Variants in LARP4 observed in about 807,000 individuals in gnomAD.
The protein encoded by LARP4 is la-related protein 4.
LARP4 carries 29 observed loss-of-function variants against 92.9 expected under a neutral mutation model. The observed-to-expected ratio is 0.31, with a 90% confidence interval of 0.23 to 0.43. The LOEUF (loss-of-function observed/expected upper bound fraction) is 0.43, where lower values mean the gene tolerates loss of function less well. Ranked by LOEUF, LARP4 falls within the 20% of genes least tolerant of loss-of-function variation. The pLI is 1.00. For missense variants in LARP4, 732 were observed against 860.0 expected, an observed-to-expected ratio of 0.85 and a Z score of 1.86; for synonymous variants, 279 against 284.1, an observed-to-expected ratio of 0.98 and a Z score of 0.18.
chr12:50,423,748 G>A (rs1948251480), intron 1 of LARP4, among the ~76,000 whole-genome samples: 1 of 147,744 alleles, frequency 6.8e-6, no homozygotes, highest in Admixed American at 6.7e-5. Context: ...TCCCCGGCCT[G>A]TAATTTTTTT....
rs531780240 is a variant in LARP4, at chr12:50,476,149, A to T, written c.*285A>T. 6.2e-6 allele frequency: 1 copy of T among 160,432 alleles called. No individual in the cohort carries two copies. The highest frequency in any genetic ancestry group is 1.7e-4 in the East Asian group (1 of 5,866). 9.9% of individuals were successfully genotyped at this position (160,432 alleles called of 1,614,324 possible). A position where few individuals can be genotyped will look rare whatever the true frequency, so the allele number is the denominator to read the frequency against. Reference sequence around the variant, plus strand: ...ATTTTTGTTTTTGGTTTTAATTTGCAGAGATTTGCTGCCAGGAATCAATTT... The same window carrying T: ...ATTTTTGTTTTTGGTTTTAATTTGCTGAGATTTGCTGCCAGGAATCAATTT... On this transcript the variant is annotated 3_prime_UTR_variant, in exon 16 of 16. Coordinates refer to ENST00000398473, the MANE Select transcript of LARP4 (RefSeq NM_052879.5).
chr12:50,457,628 A>G (rs1954561293), intron 10 of LARP4, among the ~76,000 whole-genome samples: 1 of 152,128 alleles, frequency 6.6e-6, no homozygotes, highest in African/African-American at 2.4e-5. Context: ...AACCTAGGCA[A>G]CAGAGTGAAA....
chr12:50,465,398 A>G (rs1956030620), intron 12 of LARP4, among the ~76,000 whole-genome samples: 1 of 141,826 alleles, frequency 7.1e-6, no homozygotes, highest in Non-Finnish European at 1.6e-5. Flanking sequence ...AAGAGAGATT[A>G]GATTTGGGGT....
chr12:50,411,727 C>T (rs1048109085), intron 1 of LARP4, among the ~76,000 whole-genome samples: 1 of 152,084 alleles, frequency 6.6e-6, no homozygotes, highest in African/African-American at 2.4e-5. Context: ...GTTGCCCAAG[C>T]TGGAGTGCAG....
chr12:50,469,383 T>A (rs1192356641), intron 13 of LARP4, among the ~76,000 whole-genome samples: 1 of 152,088 alleles, frequency 6.6e-6, no homozygotes, highest in Non-Finnish European at 1.5e-5. Context: ...GGCAGGCAGA[T>A]CACGAAGTCA....
At chr12:50,417,611 T>G (rs1311081615) in intron 1 of LARP4, among the ~76,000 whole-genome samples, 1 of 152,204 alleles carries the variant, frequency 6.6e-6, no homozygotes, top group Non-Finnish European at 1.5e-5. Context: ...CTGGTTTTGC[T>G]ATTATTGTAA....
At chr12:50,453,075 T>G (rs1189787969) in intron 8 of LARP4, among the ~76,000 whole-genome samples, 1 of 136,150 alleles carries the variant, frequency 7.3e-6, no homozygotes, top group African/African-American at 2.8e-5. Flanking sequence ...CATGCCCAGC[T>G]TTTTTTTTTT....
At chr12:50,407,144 GCCT>G in intron 1 of LARP4, among the ~76,000 whole-genome samples, 2 of 152,228 alleles carry the variant, frequency 1.3e-5, no homozygotes, top group Middle Eastern at 6.8e-3. Flanking sequence ...TTCTGCCTCA[GCCT>G]CCTGAGTAGC....
Position 50,446,157 on chromosome 12 carries a change from C to T in LARP4, c.804+4514C>T, listed in dbSNP as rs574326101. 2.7e-4 allele frequency among the ~76,000 whole-genome samples: 41 copies of T among 151,042 alleles called. No homozygotes were observed. The East Asian group carries it at 7.6e-3, about 28-fold the overall frequency. On this transcript the variant is annotated intron_variant, in intron 8 of 15. Coordinates refer to ENST00000398473, the MANE Select transcript of LARP4 (RefSeq NM_052879.5). ...AGCTGGGACTACAGGCGCCTGCCAT[C>T]ACGCTTGGCTGATTTATTTTTGTAT... is the stretch of plus-strand genomic sequence containing the variant.
In LARP4 at chr12:50,468,703, C is replaced by CA. The variant is rs1362961379; in HGVS notation, c.1545+1584dup. ...TTTAGCTTTCTTAAGCCAACATACT[C>CA]ACACTTTTCCTATCCTCCTGATATA... is the stretch of plus-strand genomic sequence containing the variant. On this transcript the variant is annotated intron_variant, in intron 13 of 15. Coordinates refer to ENST00000398473, the MANE Select transcript of LARP4 (RefSeq NM_052879.5). 3.9e-5 allele frequency among the ~76,000 whole-genome samples: 6 copies of CA among 152,178 alleles called. No homozygotes were observed. In the East Asian group the frequency reaches 7.7e-4, roughly 20 times the overall value.
At chr12:50,471,807 G>A (rs971506722) in intron 13 of LARP4, among the ~76,000 whole-genome samples, 2 of 152,178 alleles carry the variant, frequency 1.3e-5, no homozygotes, top group Admixed American at 6.6e-5. Flanking sequence ...ACAGGTGTGA[G>A]CCACTGCGCC....
At position 50,426,998 on chromosome 12, in the gene LARP4, A is replaced by G. The variant is rs538181198; in HGVS notation, c.19-764A>G. 4.5e-3 allele frequency among the ~76,000 whole-genome samples: 677 copies of G among 152,098 alleles called. 1 individual carries two copies. Among genetic ancestry groups the G allele is most frequent in the Non-Finnish European group, 7.8e-3 (529 of 67,996 alleles). On this transcript the variant is annotated intron_variant, in intron 1 of 15. Transcript: ENST00000398473. The stretch of plus-strand genomic sequence containing the variant: ...AGTGATCCGCCCGCCTTGGCCTCCC[A>G]AAGTATTGGGATTATAGGAATGAAC...
chr12:50,427,492 C>T (rs1043917230), intron 1 of LARP4, among the ~76,000 whole-genome samples: 1 of 152,034 alleles, frequency 6.6e-6, no homozygotes, highest in Non-Finnish European at 1.5e-5. Flanking sequence ...TCCCAAAGTG[C>T]TGGAATTACA....
chr12:50,435,373 C>G, intron 4 of LARP4, 115 bp from the exon 5 acceptor site: 1 of 671,080 alleles, frequency 1.5e-6, no homozygotes, highest in Non-Finnish European at 2.6e-6. Flanking sequence ...AATGTTATTT[C>G]TGATAGAATA....
At chr12:50,433,108 A>G (rs1949921748) in intron 4 of LARP4, among the ~76,000 whole-genome samples, 1 of 151,832 alleles carries the variant, frequency 6.6e-6, no homozygotes, top group South Asian at 2.1e-4. Context: ...CTTACCACAT[A>G]CTTATACACA....
At chr12:50,457,418 G>T (rs1180332524) in intron 10 of LARP4, among the ~76,000 whole-genome samples, 1 of 151,968 alleles carries the variant, frequency 6.6e-6, no homozygotes, top group East Asian at 1.9e-4. Flanking sequence ...TGTTGGCCAG[G>T]CTGGTCTCGA....
At position 50,478,075 on chromosome 12, in the gene LARP4, T is replaced by G. The variant is rs147260073; in HGVS notation, c.*2211T>G. 5 of 152,654 alleles carry G rather than the reference T, an allele frequency of 3.3e-5. No individual in the cohort carries two copies. Among genetic ancestry groups the G allele is most frequent in the African/African-American group, 9.6e-5 (4 of 41,572 alleles). The allele number at this position is 152,654 out of a possible 1,614,324, so 9.5% of individuals were successfully genotyped here. On this transcript the variant is annotated 3_prime_UTR_variant, in exon 16 of 16. Coordinates refer to ENST00000398473, the MANE Select transcript of LARP4 (RefSeq NM_052879.5). ...TGTAGGTCTGTATTACTTGTATGCT[T>G]GTGTGACTTACTGTTAGTCCAGCTC... is the stretch of plus-strand genomic sequence containing the variant.
At chr12:50,465,432 A>G (rs1956035738) in intron 12 of LARP4, among the ~76,000 whole-genome samples, 1 of 151,900 alleles carries the variant, frequency 6.6e-6, no homozygotes, top group African/African-American at 2.4e-5. Context: ...TGTAAATGTC[A>G]TGATGGAGGA....
chr12:50,433,269 A>ATTTTTTT (rs60797979), intron 4 of LARP4, among the ~76,000 whole-genome samples: 2 of 117,280 alleles, frequency 1.7e-5, no homozygotes, highest in East Asian at 4.7e-4. Context: ...CAAAAACGTG[A>ATTTTTTT]TTTTTTTTTT....
Sources: allele counts gnomAD v4.1 joint callset (sites outside exome capture counted in the v4.1 genomes callset), GRCh38; gene constraint gnomAD v4.1.1; transcripts MANE v1.5; gene names NCBI Gene and HGNC (gene_info 2026-07-23, HGNC 2026-07-21).